The following IQCM variants were observed in gnomAD, a reference collection of about 807,000 sequenced individuals.
IQCM encodes the protein IQ motif containing M.
A neutral mutation model predicts 57.6 loss-of-function variants in IQCM; 45 were observed. The observed-to-expected ratio is 0.78, with a 90% CI of 0.62 to 1.00. IQCM has a LOEUF of 1.00. Among genes scored for constraint, IQCM ranks in the 50% least tolerant of loss-of-function variants. IQCM has a pLI of 0.00. For missense variants in IQCM, 468 were observed against 511.6 expected (o/e 0.91, Z 0.82); for synonymous variants, 148 against 158.9 (o/e 0.93, Z 0.51).
intron 5 of IQCM, among the ~76,000 whole-genome samples, chr4:149,692,220 C>T (rs1762992042): frequency 1.3e-5 from 2 of 152,144 alleles, no homozygotes; most frequent in South Asian, 4.1e-4. Context: ...GGTAAACTGT[C>T]TATCACACTG....
intron 12 of IQCM, among the ~76,000 whole-genome samples, chr4:149,544,386 A>G (rs891811605): frequency 1.3e-5 from 2 of 152,176 alleles, no homozygotes; most frequent in African/African-American, 2.4e-5. Flanking sequence ...CCTGAAAACC[A>G]TAAGACACTG....
chr4:149,511,189 C>G (rs1744373488), intron 12 of IQCM, among the ~76,000 whole-genome samples: 1 of 152,046 alleles, frequency 6.6e-6, no homozygotes, highest in Admixed American at 6.6e-5. Flanking sequence ...AAATCTTATT[C>G]TTTCTTCAGA....
intron 12 of IQCM, among the ~76,000 whole-genome samples, chr4:149,522,366 TAGA>T (rs1745741084): frequency 6.6e-6 from 1 of 152,000 alleles, no homozygotes; most frequent in Non-Finnish European, 1.5e-5. Flanking sequence ...AAGAGTCAAG[TAGA>T]AGAAGAAACA....
At chr4:149,610,969 A>T (rs1561056924) in intron 8 of IQCM, among the ~76,000 whole-genome samples, 2 of 152,164 alleles carry the variant, frequency 1.3e-5, no homozygotes, top group Admixed American at 1.3e-4. Flanking sequence ...CCACCTAACA[A>T]GTGATTAATA....
intron 7 of IQCM, among the ~76,000 whole-genome samples, chr4:149,630,694 A>G (rs1172783806): frequency 1.3e-5 from 2 of 152,200 alleles, no homozygotes; most frequent in East Asian, 3.8e-4. Context: ...AAATTTGAAG[A>G]CTTTTAGGAA....
At position 149,543,504 on chromosome 4, in the gene IQCM, C is replaced by T. The variant is rs567735801; in HGVS notation, c.1228+4951G>A. 4.2e-5 allele frequency among the ~76,000 whole-genome samples: 6 copies of T among 144,088 alleles called. No homozygotes were observed. The South Asian group carries it at 1.1e-3, about 26-fold the overall frequency. 94.5% of individuals were successfully genotyped at this position (144,088 alleles called of 152,430 possible). The stretch of plus-strand genomic sequence containing the variant: ...ATAGTTTACTGAGAATGATGATTTC[C>T]GATTTCATCCATGTCCCTACAAAGG... On this transcript the variant is annotated intron_variant, in intron 12 of 13. Transcript: ENST00000636793.
At chr4:149,638,678 C>G (rs1256017630) in intron 7 of IQCM, among the ~76,000 whole-genome samples, 2 of 152,150 alleles carry the variant, frequency 1.3e-5, no homozygotes, top group African/African-American at 2.4e-5. Context: ...CATATATCAG[C>G]TATTGACTAA....
At chr4:149,607,535 T>C (rs1054813508) in intron 8 of IQCM, among the ~76,000 whole-genome samples, 1 of 151,974 alleles carries the variant, frequency 6.6e-6, no homozygotes, top group African/African-American at 2.4e-5. Flanking sequence ...ATATTTTTAG[T>C]AGAAAAACTA....
chr4:149,498,523 T>C (rs1399962001), intron 12 of IQCM, among the ~76,000 whole-genome samples: 2 of 152,118 alleles, frequency 1.3e-5, no homozygotes, highest in Admixed American at 6.6e-5. Flanking sequence ...CCAGCAACCC[T>C]GGTACAGCAG....
intron 12 of IQCM, among the ~76,000 whole-genome samples, chr4:149,497,254 C>G (rs1354296292): frequency 2.0e-5 from 3 of 152,030 alleles, no homozygotes; most frequent in Non-Finnish European, 2.9e-5. Context: ...AAGAAGGTCT[C>G]TCAGGACAAA....
At chr4:149,704,949 G>C (rs1764046138) in intron 5 of IQCM, among the ~76,000 whole-genome samples, 1 of 151,488 alleles carries the variant, frequency 6.6e-6, no homozygotes, top group Non-Finnish European at 1.5e-5. Context: ...AGACATGAGA[G>C]CTGCCCTTAG....
chr4:149,557,223 G>C (rs1048062588), intron 10 of IQCM, among the ~76,000 whole-genome samples: 6 of 152,148 alleles, frequency 3.9e-5, no homozygotes, highest in Non-Finnish European at 7.4e-5. Flanking sequence ...TGTTCATGTT[G>C]AGCCTGATCT....
At chr4:149,685,757 C>T (rs1337570780) in intron 6 of IQCM, among the ~76,000 whole-genome samples, 1 of 151,390 alleles carries the variant, frequency 6.6e-6, no homozygotes, top group Admixed American at 6.6e-5. Flanking sequence ...ATGTTCTTAC[C>T]AAATATGTGC....
At chr4:149,521,453 C>G (rs1221350806) in intron 12 of IQCM, among the ~76,000 whole-genome samples, 1 of 152,086 alleles carries the variant, frequency 6.6e-6, no homozygotes, top group Non-Finnish European at 1.5e-5. Context: ...GTTTCAGAGA[C>G]AGAAAAATCA....
At chr4:149,789,983 A>C in intron 2 of IQCM, 1 of 332,196 alleles carries the variant, frequency 3.0e-6, no homozygotes, top group Non-Finnish European at 5.9e-6. Flanking sequence ...GCAGAAGAGA[A>C]GATACTCAGA....
At chr4:149,400,099 C>T (rs1732509327) in intron 13 of IQCM, among the ~76,000 whole-genome samples, 1 of 151,692 alleles carries the variant, frequency 6.6e-6, no homozygotes, top group Admixed American at 6.6e-5. Flanking sequence ...ATCTCTACTA[C>T]TCAATTCTCT....
intron 13 of IQCM, among the ~76,000 whole-genome samples, chr4:149,368,855 T>C (rs28529407): frequency 0.067 from 2,627 of 39,166 alleles, 515 homozygotes; most frequent in South Asian, 0.14. Context: ...TATATATACA[T>C]GTATATATAT....
At position 149,368,761 on chromosome 4, in the gene IQCM, T is replaced by TATATATAC. The variant is rs1730025977; in HGVS notation, c.1391-16696_1391-16695insGTATATAT. ...CACAAATTATATATATACATGTATA[T>TATATATAC]ATATATATACATATATATACATGTA... On this transcript the variant is annotated intron_variant, in intron 13 of 13. Coordinates refer to ENST00000636793, the MANE Select transcript of IQCM (RefSeq NM_001363507.2). Among the ~76,000 whole-genome samples, 10 of 116,650 alleles carry TATATATAC rather than the reference T, an allele frequency of 8.6e-5. 3 individuals are homozygous for TATATATAC. The highest frequency in any genetic ancestry group is 2.7e-4 in the African/African-American group (9 of 33,930). The allele number at this position is 116,650 out of a possible 152,430, so 76.5% of individuals were successfully genotyped here. A position where few individuals can be genotyped will look rare whatever the true frequency, so the allele number is the denominator to read the frequency against.
intron 8 of IQCM, among the ~76,000 whole-genome samples, chr4:149,599,865 G>A (rs1043878059): frequency 6.6e-6 from 1 of 151,972 alleles, no homozygotes; most frequent in Non-Finnish European, 1.5e-5. Context: ...TTATTGGCTG[G>A]AATTAAAACT....
Sources: gnomAD v4.1 joint callset for allele counts (sites outside exome capture counted in the v4.1 genomes callset) on GRCh38, gnomAD v4.1.1 for gene constraint, MANE v1.5 for transcripts, NCBI Gene and HGNC (gene_info 2026-07-23, HGNC 2026-07-21) for gene names.